The following SV2C variants were observed in gnomAD, a reference collection of about 807,000 sequenced individuals.
SV2C encodes synaptic vesicle glycoprotein 2C.
In SV2C, 49 loss-of-function variants were observed where a neutral mutation model predicts 79.7. That is an observed-to-expected ratio of 0.61 (90% CI 0.49 to 0.78). The LOEUF is 0.78. SV2C is among the 30% of genes least tolerant of loss of function. The pLI is 0.00. For missense variants in SV2C, 833 were observed against 912.9 expected (o/e 0.91, Z 1.13); for synonymous variants, 334 against 333.2 (o/e 1.00, Z -0.03).
At chr5:76,282,791 C>CT (rs1747237870) in intron 4 of SV2C, among the ~76,000 whole-genome samples, 1 of 152,146 alleles carries the variant, frequency 6.6e-6, no homozygotes, top group Non-Finnish European at 1.5e-5. Context: ...AGGCGGATCA[C>CT]TTGAGGTCAG....
chr5:76,086,104 T>A, intron 1 of SV2C, among the ~76,000 whole-genome samples: 1 of 152,150 alleles, frequency 6.6e-6, no homozygotes, highest in South Asian at 2.1e-4. Context: ...TGAAAGTAGC[T>A]TCTCTGATCT....
chr5:76,140,734 C>A (rs145284258), intron 2 of SV2C, among the ~76,000 whole-genome samples: 103 of 152,180 alleles, frequency 6.8e-4, no homozygotes, highest in African/African-American at 2.2e-3. Flanking sequence ...TGAGTGTGGC[C>A]TAAATTTTAA....
intron 12 of SV2C, among the ~76,000 whole-genome samples, chr5:76,313,475 A>G (rs1372252694): frequency 6.6e-6 from 1 of 152,226 alleles, no homozygotes; most frequent in East Asian, 1.9e-4. Context: ...CAACCTTGCC[A>G]TCAGGCAATA....
the SV2C span, among the ~76,000 whole-genome samples, chr5:76,037,075 A>G: frequency 2.6e-5 from 4 of 151,888 alleles, no homozygotes; most frequent in African/African-American, 9.7e-5. Flanking sequence ...GTAGTTCTCG[A>G]GCCTTGGTTT....
At chr5:76,301,668 G>C in intron 12 of SV2C, 123 bp downstream of exon 12, 1 of 1,200,874 alleles carries the variant, frequency 8.3e-7, no homozygotes, top group Non-Finnish European at 1.1e-6. Flanking sequence ...CAGTACTTTG[G>C]AAGGCCAAGG....
the SV2C span, among the ~76,000 whole-genome samples, chr5:75,978,783 C>T: frequency 5.0e-3 from 756 of 152,168 alleles, 9 homozygotes; most frequent in South Asian, 0.042. Context: ...CTGACCCATT[C>T]GTATGCTGTC....
intron 1 of SV2C, among the ~76,000 whole-genome samples, chr5:76,124,003 G>C (rs1207657457): frequency 2.0e-5 from 3 of 152,176 alleles, no homozygotes; most frequent in African/African-American, 7.2e-5. Context: ...ATTGTCAAGA[G>C]TGGGCATCTC....
intron 2 of SV2C, among the ~76,000 whole-genome samples, chr5:76,161,724 C>T (rs1303961663): frequency 2.0e-5 from 3 of 152,084 alleles, no homozygotes; most frequent in African/African-American, 7.2e-5. Flanking sequence ...CTAAAAACTC[C>T]TGAATTTTAC....
At chr5:76,214,372 A>G (rs1012317472) in intron 4 of SV2C, among the ~76,000 whole-genome samples, 4 of 152,114 alleles carry the variant, frequency 2.6e-5, no homozygotes, top group African/African-American at 9.7e-5. Context: ...TGGGCTCTCT[A>G]TTCTGTTCCG....
the SV2C span, among the ~76,000 whole-genome samples, chr5:76,034,063 G>A: frequency 1.3e-5 from 2 of 152,022 alleles, no homozygotes; most frequent in Admixed American, 1.3e-4. Context: ...TGTTTTTGGA[G>A]TATAAGAATG....
At chr5:76,261,519 C>T (rs1051432370) in intron 4 of SV2C, among the ~76,000 whole-genome samples, 5 of 152,092 alleles carry the variant, frequency 3.3e-5, no homozygotes, top group African/African-American at 1.2e-4. Context: ...TTGTCTTGTG[C>T]CAGTTTTCAA....
chr5:76,240,749 C>G (rs1745759054), intron 4 of SV2C, among the ~76,000 whole-genome samples: 2 of 152,168 alleles, frequency 1.3e-5, no homozygotes, highest in African/African-American at 2.4e-5. Context: ...GTCTCAGGCT[C>G]CATTTGGGGA....
At chr5:76,352,556 G>A (rs936972029) in intron 12 of SV2C, among the ~76,000 whole-genome samples, 1 of 152,188 alleles carries the variant, frequency 6.6e-6, no homozygotes, top group Admixed American at 6.5e-5. Flanking sequence ...TTTCCACCAT[G>A]AAATGATGAA....
chr5:76,041,053 G>A, the SV2C span, among the ~76,000 whole-genome samples: 1 of 152,112 alleles, frequency 6.6e-6, no homozygotes, highest in Non-Finnish European at 1.5e-5. Flanking sequence ...AGGGGCAGAA[G>A]GGAGAGGGCA....
At chr5:76,181,286 C>T (rs1447913531) in intron 2 of SV2C, among the ~76,000 whole-genome samples, 1 of 152,186 alleles carries the variant, frequency 6.6e-6, no homozygotes. Flanking sequence ...GCCGCAGCAG[C>T]AGAGCTGAGT....
the SV2C span, among the ~76,000 whole-genome samples, chr5:75,996,024 G>A: frequency 6.6e-6 from 1 of 152,276 alleles, no homozygotes; most frequent in East Asian, 1.9e-4. Context: ...AGATCCTGCA[G>A]GCAGGCACTG....
chr5:76,278,428 A>G (rs1323096173), intron 4 of SV2C, among the ~76,000 whole-genome samples: 1 of 152,220 alleles, frequency 6.6e-6, no homozygotes, highest in Non-Finnish European at 1.5e-5. Context: ...GAATCCTGGA[A>G]GGTACGAAGC....
chr5:75,881,848 G>C, the SV2C span, among the ~76,000 whole-genome samples: 18 of 148,088 alleles, frequency 1.2e-4, no homozygotes, highest in African/African-American at 4.6e-4. Flanking sequence ...AATAGGAGTG[G>C]TGAGAGAGGG....
the SV2C span, among the ~76,000 whole-genome samples, chr5:76,049,025 A>AAGAAAGAAAGAAAGAG: frequency 1.5e-4 from 7 of 48,154 alleles, no homozygotes; most frequent in South Asian, 1.4e-3. Context: ...GAAAGAAAGA[A>AAGAAAGAAAGAAAGAG]AAAGAAAAGA....
Sources: allele counts gnomAD v4.1 joint callset (sites outside exome capture counted in the v4.1 genomes callset), GRCh38; gene constraint gnomAD v4.1.1; transcripts MANE v1.5; gene names NCBI Gene and HGNC (gene_info 2026-07-23, HGNC 2026-07-21).